Variants in RAD51B observed in about 807,000 individuals in gnomAD.
RAD51B encodes the protein DNA repair protein RAD51 homolog 2.
In RAD51B, 38 loss-of-function variants were observed where a neutral mutation model predicts 42.2. The observed-to-expected ratio is 0.90, with a 90% CI of 0.70 to 1.18. RAD51B has a LOEUF of 1.18. Among genes scored for constraint, RAD51B ranks in the 50% most tolerant of loss-of-function variants. The pLI, the probability that RAD51B is intolerant of heterozygous loss-of-function variation, is 0.00. For synonymous variants in RAD51B, 154 were observed against 145.2 expected (o/e 1.06, Z -0.43); for missense variants, 373 against 400.7 (o/e 0.93, Z 0.59).
At chr14:68,526,239 C>A (rs1217311406) in intron 10 of RAD51B, among the ~76,000 whole-genome samples, 1 of 152,190 alleles carries the variant, frequency 6.6e-6, no homozygotes, top group African/African-American at 2.4e-5. Context: ...ATTTGGAAAA[C>A]CAGCTTGTTC....
intron 7 of RAD51B, among the ~76,000 whole-genome samples, chr14:68,068,169 T>C (rs779173868): frequency 1.4e-4 from 21 of 152,218 alleles, no homozygotes; most frequent in Admixed American, 3.3e-4. Flanking sequence ...TACAATTTAG[T>C]GGTTTTTTAG....
chr14:68,575,116 C>T (rs1889902931), intron 10 of RAD51B, among the ~76,000 whole-genome samples: 1 of 152,236 alleles, frequency 6.6e-6, no homozygotes, highest in Non-Finnish European at 1.5e-5. Flanking sequence ...ATGCCTTTTG[C>T]AGGCCAGGCA....
chr14:68,201,387 G>A (rs2079482655), intron 7 of RAD51B, among the ~76,000 whole-genome samples: 1 of 152,200 alleles, frequency 6.6e-6, no homozygotes, highest in Non-Finnish European at 1.5e-5. Context: ...TTAACCTGAA[G>A]TACTCATGCA....
chr14:68,567,271 G>A (rs1050621528), intron 10 of RAD51B, among the ~76,000 whole-genome samples: 3 of 152,012 alleles, frequency 2.0e-5, no homozygotes, highest in African/African-American at 7.2e-5. Context: ...CTGCACTCCA[G>A]CCTGGGTGAC....
At chr14:68,468,086 A>T in intron 9 of RAD51B, 86 bp from the exon 10 acceptor site, 1 of 1,171,640 alleles carries the variant, frequency 8.5e-7, no homozygotes, top group Non-Finnish European at 1.3e-6. Flanking sequence ...CTATGTTACC[A>T]CTTTGTCTCA....
chr14:68,295,825 C>T (rs542882754), intron 8 of RAD51B, among the ~76,000 whole-genome samples: 37 of 152,166 alleles, frequency 2.4e-4, no homozygotes, highest in Non-Finnish European at 4.6e-4. Context: ...ACTGTTTAAG[C>T]AGTGTACTGT....
In RAD51B at chr14:68,645,457, G is replaced by A. The variant is rs959919211; in HGVS notation, c.1037-5324G>A. Among the ~76,000 whole-genome samples, 17 of 152,304 alleles carry A rather than the reference G, an allele frequency of 1.1e-4. No individual in the cohort carries two copies. The South Asian group carries it at 2.9e-3, about 26-fold the overall frequency. ...TATTATGAATAATGTTGCTATGAAC[G>A]TGGGTTTACAAAAATTTCTTCAAGA... On this transcript the variant is annotated intron_variant, in intron 10 of 11. Coordinates refer to the RAD51B transcript ENST00000488612.
intron 7 of RAD51B, among the ~76,000 whole-genome samples, chr14:67,996,980 C>T (rs570064486): frequency 2.0e-5 from 3 of 152,228 alleles, no homozygotes; most frequent in South Asian, 2.1e-4. Flanking sequence ...GATAAATCTA[C>T]GTTTGTTTGT....
At chr14:68,366,950 G>A (rs187514412) in intron 8 of RAD51B, among the ~76,000 whole-genome samples, 1 of 152,342 alleles carries the variant, frequency 6.6e-6, no homozygotes, top group East Asian at 1.9e-4. Context: ...CCTCCCAAGT[G>A]CCCTAGGGCT....
chr14:67,994,064 G>A (rs2075342269), intron 7 of RAD51B, among the ~76,000 whole-genome samples: 1 of 151,990 alleles, frequency 6.6e-6, no homozygotes, highest in African/African-American at 2.4e-5. Context: ...GAAACTGAAT[G>A]CTGAGGTAGA....
rs77864480 is a variant in RAD51B at position 68,134,209 on chromosome 14, T to A, written c.757-157675T>A. Among the ~76,000 whole-genome samples the A allele has an allele frequency of 4.0e-3, 612 of 152,370 alleles. 20 individuals are homozygous for A. The East Asian group carries it at 0.085, about 21-fold the overall frequency. On this transcript the variant is annotated intron_variant, in intron 7 of 10. Coordinates refer to ENST00000471583, the MANE Select transcript of RAD51B (RefSeq NM_133510.4). ...ATTACATAAATGAAATTATACAGTA[T>A]GTAGCCTTTTGTAATTGGCTTTTTC...
chr14:67,888,859 A>G (rs944093524), intron 7 of RAD51B, among the ~76,000 whole-genome samples: 3 of 152,148 alleles, frequency 2.0e-5, no homozygotes, highest in African/African-American at 7.2e-5. Flanking sequence ...CCTGGAACCA[A>G]TCCCCCATGG....
At chr14:67,921,567 T>TCA (rs3219795) in intron 7 of RAD51B, among the ~76,000 whole-genome samples, 6,930 of 125,790 alleles carry the variant, frequency 0.055, 199 homozygotes, top group East Asian at 0.11. Flanking sequence ...TATGTGCACA[T>TCA]CACACACACA....
At chr14:68,329,968 C>T (rs1439800592) in intron 8 of RAD51B, among the ~76,000 whole-genome samples, 6 of 124,934 alleles carry the variant, frequency 4.8e-5, no homozygotes, top group East Asian at 2.2e-4. Context: ...GGCAACAGAC[C>T]GAGACTCTGT....
chr14:68,581,771 C>T (rs140773869), intron 10 of RAD51B, among the ~76,000 whole-genome samples: 25 of 152,256 alleles, frequency 1.6e-4, no homozygotes, highest in South Asian at 6.2e-4. Flanking sequence ...TACAAGCTTA[C>T]GGTAACCAAA....
At chr14:68,465,370 C>T (rs2085948865) in intron 9 of RAD51B, among the ~76,000 whole-genome samples, 1 of 152,144 alleles carries the variant, frequency 6.6e-6, no homozygotes, top group Non-Finnish European at 1.5e-5. Flanking sequence ...TCCTAACTGG[C>T]CCCACATCTC....
chr14:68,208,107 C>G (rs1377401132), intron 7 of RAD51B, among the ~76,000 whole-genome samples: 1 of 89,778 alleles, frequency 1.1e-5, no homozygotes, highest in Admixed American at 1.4e-4. Flanking sequence ...AATCGATATA[C>G]AGTATAATAT....
intron 11 of RAD51B, among the ~76,000 whole-genome samples, chr14:68,676,847 CTG>C (rs1175424534): frequency 9.9e-5 from 15 of 152,254 alleles, no homozygotes; most frequent in Non-Finnish European, 2.2e-4. Context: ...GAGCCAGAGA[CTG>C]TGTCTCCACA....
chr14:68,063,082 G>A (rs910114385), intron 7 of RAD51B, among the ~76,000 whole-genome samples: 1 of 151,846 alleles, frequency 6.6e-6, no homozygotes, highest in Non-Finnish European at 1.5e-5. Flanking sequence ...TGTATTAGTT[G>A]TAATGTCTCC....
Sources: allele counts gnomAD v4.1 joint callset (sites outside exome capture counted in the v4.1 genomes callset), GRCh38; gene constraint gnomAD v4.1.1; transcripts MANE v1.5; gene names NCBI Gene and HGNC (gene_info 2026-07-23, HGNC 2026-07-21).